Variants in WDR27 observed in about 807,000 individuals in gnomAD.
WDR27 encodes the protein WD repeat-containing protein 27.
A neutral mutation model predicts 114.4 loss-of-function variants in WDR27; 100 were observed. The observed-to-expected ratio is 0.87, with a 90% confidence interval of 0.74 to 1.03. The LOEUF (loss-of-function observed/expected upper bound fraction) is 1.03. WDR27 is among the 50% of genes least tolerant of loss of function. WDR27 has a pLI of 0.00. For missense variants in WDR27, 1,129 were observed against 1,092.9 expected (o/e 1.03, Z -0.47); for synonymous variants, 449 against 423.1 (o/e 1.06, Z -0.75).
At chr6:169,610,771 T>G (rs927698693) in intron 22 of WDR27, among the ~76,000 whole-genome samples, 1 of 152,210 alleles carries the variant, frequency 6.6e-6, no homozygotes, top group Admixed American at 6.5e-5. Context: ...GAGGCCATTA[T>G]TTTAAGTGAA....
chr6:169,645,780 C>T (rs1820568402), intron 16 of WDR27, among the ~76,000 whole-genome samples: 1 of 146,046 alleles, frequency 6.8e-6, no homozygotes, highest in Admixed American at 6.7e-5. Flanking sequence ...AAGCCTAGTT[C>T]ACAGAAGTCA....
intron 25 of WDR27, chr6:169,559,545 T>C (rs1487720969): frequency 1.3e-5 from 2 of 152,178 alleles, no homozygotes; most frequent in African/African-American, 4.8e-5. Context: ...ATAATATATG[T>C]TGCCTCTCAC....
intron 2 of WDR27, among the ~76,000 whole-genome samples, chr6:169,680,775 C>G (rs1228716771): frequency 6.6e-6 from 1 of 151,816 alleles, no homozygotes. Flanking sequence ...TAGAAAGTAG[C>G]CAAAGAAGAT....
chr6:169,688,747 AACAGC>A, intron 2 of WDR27, 65 bp downstream of exon 2: 2 of 1,246,362 alleles, frequency 1.6e-6, no homozygotes, highest in South Asian at 4.2e-5. Context: ...ATGCTGTCCG[AACAGC>A]ATCAAAGACA....
At chr6:169,551,440 C>T (rs1374293723) in intron 25 of WDR27, among the ~76,000 whole-genome samples, 1 of 152,104 alleles carries the variant, frequency 6.6e-6, no homozygotes, top group Non-Finnish European at 1.5e-5. Flanking sequence ...AGTTTTTTCT[C>T]AACATAACAA....
intron 25 of WDR27, among the ~76,000 whole-genome samples, chr6:169,525,460 C>T (rs1029872472): frequency 2.7e-5 from 4 of 145,462 alleles, no homozygotes; most frequent in African/African-American, 7.8e-5. Context: ...GGCATGAACC[C>T]GGGAGGTGGA....
rs1816772359 is a variant in WDR27 at position 169,632,952 on chromosome 6, T to A, written c.2218A>T (p.Asn740Tyr). The A allele has an allele frequency of 6.3e-7, 1 of 1,582,250 alleles. No individual in the cohort carries two copies. The highest frequency in any genetic ancestry group is 1.7e-5 in the Admixed American group (1 of 59,480). The change falls in exon 21 of 26, where the codon AAT becomes TAT. Residue 740 changes from asparagine (N) to tyrosine (Y), a missense_variant. Physicochemically the swap from Asn to Tyr is moderately radical, Grantham distance 143. Transcript: ENST00000448612. Reference protein sequence around the residue: ...HSRPVHQICQNKGSSFTTQQP... With the variant: ...HSRPVHQICQYKGSSFTTQQP... ...TTATCCAAAAACTTACTCACTTTATTTTGGCAGATTTGATGGACAGGCCGT... is the reference window on the plus strand; with the variant it reads ...TTATCCAAAAACTTACTCACTTTATATTGGCAGATTTGATGGACAGGCCGT...
chr6:169,449,278 C>G, the WDR27 span, among the ~76,000 whole-genome samples: 1 of 152,122 alleles, frequency 6.6e-6, no homozygotes, highest in Admixed American at 6.5e-5. Context: ...TCCTCTATTC[C>G]CAGTCCTTGA....
chr6:169,561,227 C>T (rs527606680), intron 25 of WDR27, among the ~76,000 whole-genome samples: 8 of 152,174 alleles, frequency 5.3e-5, no homozygotes, highest in South Asian at 2.1e-4. Context: ...TGGTAGAAAG[C>T]GCCAACAAAG....
At chr6:169,622,234 TCA>T (rs1813538260) in intron 21 of WDR27, among the ~76,000 whole-genome samples, 1 of 152,202 alleles carries the variant, frequency 6.6e-6, no homozygotes, top group South Asian at 2.1e-4. Context: ...GACTGATGTC[TCA>T]TGTCTCCCTA....
intron 25 of WDR27, among the ~76,000 whole-genome samples, chr6:169,557,084 C>G (rs1799004295): frequency 6.6e-6 from 1 of 152,166 alleles, no homozygotes; most frequent in African/African-American, 2.4e-5. Flanking sequence ...TTCACACAAA[C>G]AGCTGTACAA....
chr6:169,493,642 A>G (rs1274927412), intron 25 of WDR27, among the ~76,000 whole-genome samples: 1 of 152,162 alleles, frequency 6.6e-6, no homozygotes, highest in Non-Finnish European at 1.5e-5. Context: ...ATAAAGGAAA[A>G]TATTACTTAA....
chr6:169,597,960 CTTTTT>C (rs11393060), intron 23 of WDR27, among the ~76,000 whole-genome samples: 14 of 144,884 alleles, frequency 9.7e-5, no homozygotes, highest in Non-Finnish European at 1.4e-4. Flanking sequence ...ACATAGGTCT[CTTTTT>C]TTTTTTGTTT....
intron 25 of WDR27, among the ~76,000 whole-genome samples, chr6:169,522,257 G>A (rs1428992509): frequency 6.6e-6 from 1 of 151,912 alleles, no homozygotes; most frequent in Non-Finnish European, 1.5e-5. Context: ...TGATAAAGGG[G>A]TCAATTCAGC....
At chr6:169,523,891 A>G (rs1794673094) in intron 25 of WDR27, among the ~76,000 whole-genome samples, 1 of 152,188 alleles carries the variant, frequency 6.6e-6, no homozygotes, top group African/African-American at 2.4e-5. Context: ...CAAAACAAGA[A>G]TCTCTACTTT....
chr6:169,666,494 G>A, intron 6 of WDR27: 1 of 985,504 alleles, frequency 1.0e-6, no homozygotes, highest in Non-Finnish European at 1.2e-6. Context: ...GGGGAGCAAA[G>A]CGAATGCAGG....
chr6:169,597,330 A>G (rs1410677124), intron 23 of WDR27, among the ~76,000 whole-genome samples: 1 of 150,812 alleles, frequency 6.6e-6, no homozygotes, highest in African/African-American at 2.5e-5. Context: ...TATTGTTTCT[A>G]TTATGTTTTT....
intron 25 of WDR27, among the ~76,000 whole-genome samples, chr6:169,467,118 G>C (rs1785693035): frequency 6.6e-6 from 1 of 152,204 alleles, no homozygotes; most frequent in South Asian, 2.1e-4. Context: ...TCACATCCCA[G>C]TCATGCTCAT....
chr6:169,640,214 C>T (rs1818825053), intron 17 of WDR27, among the ~76,000 whole-genome samples: 1 of 152,162 alleles, frequency 6.6e-6, no homozygotes. Context: ...CCCCACGGAG[C>T]AGAAGACCCC....
Sources: gnomAD v4.1 joint callset for allele counts (sites outside exome capture counted in the v4.1 genomes callset) on GRCh38, gnomAD v4.1.1 for gene constraint, MANE v1.5 for transcripts, NCBI Gene and HGNC (gene_info 2026-07-23, HGNC 2026-07-21) for gene names.